Variants in CSMD1 observed in about 807,000 individuals in gnomAD.
CSMD1 encodes the protein CUB and sushi domain-containing protein 1.
A neutral mutation model predicts 417.5 loss-of-function variants in CSMD1; 213 were observed. The observed-to-expected ratio is 0.51, with a 90% confidence interval of 0.46 to 0.57. The LOEUF is 0.57. Among genes scored for constraint, CSMD1 ranks in the 20% least tolerant of loss-of-function variants. CSMD1 has a pLI of 0.00. For missense variants in CSMD1, 6,923 were observed against 4,529.7 expected (o/e 1.53, Z -15.17); for synonymous variants, 2,862 against 1,736.8 (o/e 1.65, Z -16.11).
rs550724863 is a variant in CSMD1, at chr8:4,906,350, T to C, written c.85+87982A>G. 1.7e-3 allele frequency among the ~76,000 whole-genome samples: 255 copies of C among 152,330 alleles called. 3 individuals carry two copies. The highest frequency in any genetic ancestry group is 5.7e-3 in the African/African-American group (238 of 41,584). On this transcript the variant is annotated intron_variant, in intron 1 of 69. Transcript: ENST00000635120. ...TATTATTTTCCTTTAAAACACATTCTTGCATACAACTTATGTTATTGTGGG... is the reference window on the plus strand; with the variant it reads ...TATTATTTTCCTTTAAAACACATTCCTGCATACAACTTATGTTATTGTGGG...
At chr8:4,343,396 A>G (rs1024896903) in intron 3 of CSMD1, among the ~76,000 whole-genome samples, 1 of 152,008 alleles carries the variant, frequency 6.6e-6, no homozygotes. Context: ...AAGAGAGCTG[A>G]CCTTAAGTGT....
chr8:3,312,107 ACAAG>A (rs1349641701), intron 23 of CSMD1, among the ~76,000 whole-genome samples: 1 of 152,172 alleles, frequency 6.6e-6, no homozygotes, highest in African/African-American at 2.4e-5. Context: ...TCCAAAAAAA[ACAAG>A]CAAAGAAAAA....
At chr8:4,618,725 G>T (rs1471817859) in intron 2 of CSMD1, among the ~76,000 whole-genome samples, 4 of 152,098 alleles carry the variant, frequency 2.6e-5, no homozygotes, top group Non-Finnish European at 5.9e-5. Flanking sequence ...GGACCTTCTG[G>T]TTGTTTTCAA....
At chr8:3,050,255 G>A (rs1013103772) in intron 50 of CSMD1, among the ~76,000 whole-genome samples, 1 of 151,694 alleles carries the variant, frequency 6.6e-6, no homozygotes, top group Non-Finnish European at 1.5e-5. Flanking sequence ...CATTATAAAA[G>A]GGGTATAGGA....
chr8:2,938,389 C>T lies in CSMD1; in HGVS notation c.*196G>A, dbSNP rs1448596686. ...TTAGAACCCACTTTTGGAATGAAAA[C>T]GCATGTGTAGTTTGATCCGTAGAAG... On this transcript the variant is annotated 3_prime_UTR_variant, in exon 70 of 70. Transcript: ENST00000635120. 12 of 509,632 alleles carry T rather than the reference C, an allele frequency of 2.4e-5. No individual in the cohort carries two copies. The highest frequency in any genetic ancestry group is 3.4e-5 in the Non-Finnish European group (10 of 295,534). 31.6% of individuals were successfully genotyped at this position (509,632 alleles called of 1,614,324 possible).
intron 1 of CSMD1, among the ~76,000 whole-genome samples, chr8:4,700,792 G>C (rs957685174): frequency 6.6e-6 from 1 of 152,076 alleles, no homozygotes; most frequent in African/African-American, 2.4e-5. Flanking sequence ...AAAGGGAAAG[G>C]ATATTTCTGT....
intron 5 of CSMD1, among the ~76,000 whole-genome samples, chr8:3,919,452 G>C (rs980337193): frequency 6.6e-6 from 1 of 151,990 alleles, no homozygotes; most frequent in Non-Finnish European, 1.5e-5. Flanking sequence ...GTTTTTGCTT[G>C]AGTTCACTTT....
chr8:3,967,654 T>G (rs965910880), intron 5 of CSMD1, among the ~76,000 whole-genome samples: 3 of 152,156 alleles, frequency 2.0e-5, no homozygotes, highest in Non-Finnish European at 4.4e-5. Context: ...ATTCCCTGCC[T>G]ACAATTGTCC....
At position 3,137,880 on chromosome 8, in the gene CSMD1, A is replaced by T. The variant is rs1165209129; in HGVS notation, c.6241+4585T>A. 7.9e-5 allele frequency among the ~76,000 whole-genome samples: 12 copies of T among 152,202 alleles called. No individual in the cohort carries two copies. In the East Asian group the frequency reaches 1.7e-3, roughly 22 times the overall value. ...CTGTATACAATAAATTCCTGATTTT[A>T]AAAAGTCCCAGGGTATGCCTGTCAG... On this transcript the variant is annotated intron_variant, in intron 41 of 69. Coordinates refer to ENST00000635120, the MANE Select transcript of CSMD1 (RefSeq NM_033225.6).
chr8:4,456,589 G>T (rs1051019997), intron 2 of CSMD1, among the ~76,000 whole-genome samples: 1 of 152,098 alleles, frequency 6.6e-6, no homozygotes, highest in African/African-American at 2.4e-5. Flanking sequence ...TCACAAACAC[G>T]GCTGTAGGGA....
chr8:4,478,082 T>G (rs1472601393), intron 2 of CSMD1, among the ~76,000 whole-genome samples: 1 of 152,182 alleles, frequency 6.6e-6, no homozygotes, highest in Non-Finnish European at 1.5e-5. Flanking sequence ...TTAACCTGTT[T>G]TTTTATGGGG....
chr8:3,635,842 GACACTGC>G (rs918460478), intron 7 of CSMD1, among the ~76,000 whole-genome samples: 1 of 139,004 alleles, frequency 7.2e-6, no homozygotes, highest in Non-Finnish European at 1.5e-5. Context: ...AAAAAAATGA[GACACTGC>G]ACACTTAGGT....
chr8:4,470,830 GTC>G (rs142934298), intron 2 of CSMD1, among the ~76,000 whole-genome samples: 1 of 152,270 alleles, frequency 6.6e-6, no homozygotes, highest in East Asian at 1.9e-4. Context: ...AATCGATGTT[GTC>G]TCTGGGCTTC....
chr8:3,210,735 T>G (rs1266093310), intron 30 of CSMD1, among the ~76,000 whole-genome samples: 3 of 150,652 alleles, frequency 2.0e-5, no homozygotes, highest in Admixed American at 6.6e-5. Flanking sequence ...TACTTTTTCT[T>G]TAGCCACAGA....
chr8:4,321,513 T>C (rs550109663), intron 3 of CSMD1, among the ~76,000 whole-genome samples: 3 of 152,178 alleles, frequency 2.0e-5, no homozygotes, highest in South Asian at 4.2e-4. Context: ...AGCAGAGGGA[T>C]GTGTTAAGGA....
At chr8:3,120,786 G>T (rs1434577276) in intron 41 of CSMD1, among the ~76,000 whole-genome samples, 1 of 152,090 alleles carries the variant, frequency 6.6e-6, no homozygotes, top group Admixed American at 6.5e-5. Flanking sequence ...GCAGAAGGTT[G>T]CAGTGAGCCG....
At chr8:4,162,794 A>C (rs34168646) in intron 3 of CSMD1, among the ~76,000 whole-genome samples, 59,473 of 151,816 alleles carry the variant, frequency 0.39, 11,853 homozygotes, top group Middle Eastern at 0.5. Flanking sequence ...CACTCTTGGT[A>C]TTGTACATGC....
At chr8:4,465,848 C>G (rs150099617) in intron 2 of CSMD1, among the ~76,000 whole-genome samples, 2 of 152,320 alleles carry the variant, frequency 1.3e-5, no homozygotes, top group African/African-American at 4.8e-5. Flanking sequence ...GCCACACATT[C>G]TATCCTCTTC....
chr8:4,219,097 AC>A (rs1044954244), intron 3 of CSMD1, among the ~76,000 whole-genome samples: 4 of 152,170 alleles, frequency 2.6e-5, no homozygotes, highest in African/African-American at 9.7e-5. Flanking sequence ...TTCCTCTAAC[AC>A]CCAGGGTAAA....
Sources: gnomAD v4.1 joint callset for allele counts (sites outside exome capture counted in the v4.1 genomes callset) on GRCh38, gnomAD v4.1.1 for gene constraint, MANE v1.5 for transcripts, NCBI Gene and HGNC (gene_info 2026-07-23, HGNC 2026-07-21) for gene names.